The following CNTNAP5 variants were observed in gnomAD, a reference collection of about 807,000 sequenced individuals.
The protein encoded by CNTNAP5 is contactin associated protein family member 5.
In CNTNAP5, 72 loss-of-function variants were observed where a neutral mutation model predicts 150.2. The observed-to-expected ratio is 0.48, with a 90% CI of 0.40 to 0.58. The LOEUF (loss-of-function observed/expected upper bound fraction) is 0.58. CNTNAP5 is among the 20% of genes least tolerant of loss of function. The pLI is 0.00. For synonymous variants in CNTNAP5, 672 were observed against 619.8 expected (o/e 1.08, Z -1.25); for missense variants, 1,636 against 1,626.2 (o/e 1.01, Z -0.10).
intron 1 of CNTNAP5, among the ~76,000 whole-genome samples, chr2:124,130,390 G>T (rs796976175): frequency 1.3e-5 from 2 of 151,954 alleles, no homozygotes; most frequent in African/African-American, 4.8e-5. Flanking sequence ...CACTGTGCTT[G>T]TTCAGTCTTT....
At chr2:124,873,857 T>C (rs1182354952) in intron 21 of CNTNAP5, among the ~76,000 whole-genome samples, 1 of 152,082 alleles carries the variant, frequency 6.6e-6, no homozygotes, top group East Asian at 1.9e-4. Flanking sequence ...AAATCTAGTG[T>C]CTCAGTTTTC....
intron 13 of CNTNAP5, among the ~76,000 whole-genome samples, chr2:124,712,519 G>A (rs543459483): frequency 5.3e-5 from 8 of 152,288 alleles, no homozygotes; most frequent in Admixed American, 3.9e-4. Context: ...ATGTGGAGAA[G>A]GAGCTGCTGC....
intron 12 of CNTNAP5, among the ~76,000 whole-genome samples, chr2:124,614,426 G>A (rs554091079): frequency 9.7e-4 from 148 of 152,258 alleles, no homozygotes; most frequent in Non-Finnish European, 1.6e-3. Flanking sequence ...CTATTCCATA[G>A]GCAGAGCAGC....
chr2:124,515,749 A>G (rs1694699163), intron 8 of CNTNAP5, among the ~76,000 whole-genome samples: 1 of 152,222 alleles, frequency 6.6e-6, no homozygotes, highest in African/African-American at 2.4e-5. Context: ...GCCCCAATTC[A>G]CTAAGTATAT....
chr2:124,391,398 G>A (rs4848932), intron 3 of CNTNAP5, among the ~76,000 whole-genome samples: 2,458 of 152,224 alleles, frequency 0.016, 30 homozygotes, highest in Non-Finnish European at 0.022. Flanking sequence ...ACATGATAAA[G>A]TCGTCTTTGT....
intron 13 of CNTNAP5, among the ~76,000 whole-genome samples, chr2:124,719,758 CT>C (rs1680014991): frequency 6.6e-6 from 1 of 152,048 alleles, no homozygotes; most frequent in Non-Finnish European, 1.5e-5. Flanking sequence ...TAAGAAACAT[CT>C]TTATAAGAGG....
At chr2:124,221,343 G>A (rs559595688) in intron 1 of CNTNAP5, among the ~76,000 whole-genome samples, 1 of 152,202 alleles carries the variant, frequency 6.6e-6, no homozygotes, top group African/African-American at 2.4e-5. Flanking sequence ...GAATAATCTT[G>A]ATGGCAATAA....
chr2:124,832,919 C>CTTTTTTT (rs539240335), intron 19 of CNTNAP5, among the ~76,000 whole-genome samples: 1 of 143,204 alleles, frequency 7.0e-6, no homozygotes. Flanking sequence ...TTTTCTTTTC[C>CTTTTTTT]TTTTTTTTTT....
intron 5 of CNTNAP5, among the ~76,000 whole-genome samples, chr2:124,437,867 T>C (rs893096653): frequency 6.6e-6 from 1 of 152,122 alleles, no homozygotes; most frequent in Non-Finnish European, 1.5e-5. Context: ...GAGTTTTGGT[T>C]TTTCCCTCTC....
At position 124,890,715 on chromosome 2, in the gene CNTNAP5, G is replaced by A. The variant is rs144801349; in HGVS notation, c.3437-12167G>A. ...GCATATAAGGCAGAAACCCCATTTC[G>A]TAGAGCTTCTAATTTTATATAGACA... On this transcript the variant is annotated intron_variant, in intron 21 of 23. Transcript: ENST00000682447. Among the ~76,000 whole-genome samples the A allele has an allele frequency of 1.9e-3, 295 of 152,206 alleles. 2 individuals are homozygous for A. The highest frequency in any genetic ancestry group is 6.7e-3 in the African/African-American group (279 of 41,554).
intron 12 of CNTNAP5, among the ~76,000 whole-genome samples, chr2:124,610,266 G>A (rs1176204701): frequency 1.3e-5 from 2 of 152,198 alleles, no homozygotes; most frequent in Non-Finnish European, 2.9e-5. Flanking sequence ...CTCCAAATCA[G>A]TGGGAAGCCC....
At chr2:124,180,850 T>C (rs1573816181) in intron 1 of CNTNAP5, among the ~76,000 whole-genome samples, 1 of 147,236 alleles carries the variant, frequency 6.8e-6, no homozygotes, top group Non-Finnish European at 1.5e-5. Context: ...GCTCATTTCC[T>C]CTTATTGTTC....
chr2:124,361,664 G>A (rs59212497), intron 3 of CNTNAP5, among the ~76,000 whole-genome samples: 19,748 of 127,616 alleles, frequency 0.15, 1,792 homozygotes, highest in Middle Eastern at 0.23. Context: ...CAGTCTGCCG[G>A]TTCTCAGATC....
chr2:124,907,175 C>A (rs1678555183), intron 22 of CNTNAP5, among the ~76,000 whole-genome samples: 1 of 152,000 alleles, frequency 6.6e-6, no homozygotes, highest in Non-Finnish European at 1.5e-5. Flanking sequence ...CTGGTCATGG[C>A]AATGCTTAGG....
intron 1 of CNTNAP5, among the ~76,000 whole-genome samples, chr2:124,102,750 C>T (rs1297387146): frequency 6.6e-6 from 1 of 152,124 alleles, no homozygotes; most frequent in Non-Finnish European, 1.5e-5. Flanking sequence ...GCCTGAGCTT[C>T]GGTCTATATC....
chr2:124,275,875 C>T (rs1687870964), intron 3 of CNTNAP5, among the ~76,000 whole-genome samples: 1 of 152,172 alleles, frequency 6.6e-6, no homozygotes, highest in Admixed American at 6.6e-5. Context: ...ATGAGAACAA[C>T]AGACTTGTAC....
Position 124,747,343 on chromosome 2 carries a change from A to G in CNTNAP5, c.2192A>G (p.Asp731Gly), listed in dbSNP as rs1215434069. 6.2e-7 allele frequency: 1 copy of G among 1,613,836 alleles called. No individual in the cohort carries two copies. Among genetic ancestry groups the G allele is most frequent in the East Asian group, 2.2e-5 (1 of 44,830 alleles). Reference protein sequence around the residue: ...CECGLDESCLDIQHFCNCDAD... With the variant: ...CECGLDESCLGIQHFCNCDAD... ...TGTGGCCTAGACGAGAGCTGCCTGG[A>G]CATTCAGCACTTTTGCAATTGCGAC... The change falls in exon 14 of 24, where the codon GAC becomes GGC. Residue 731 changes from aspartate to glycine, a missense_variant. Asp to Gly is a moderately conservative substitution (Grantham distance 94). Transcript: ENST00000682447.
In CNTNAP5 at chr2:124,358,288, C is replaced by A. The variant is rs866686207; in HGVS notation, c.382-59155C>A. On this transcript the variant is annotated intron_variant, in intron 3 of 23. Coordinates refer to ENST00000682447, the MANE Select transcript of CNTNAP5 (RefSeq NM_001367498.1). Reference sequence around the variant, plus strand: ...ACTTCCTCTTTTCCTAATTGAATACCCTTTATTTCCTTCTCCTGCCTAATT... The same window carrying A: ...ACTTCCTCTTTTCCTAATTGAATACACTTTATTTCCTTCTCCTGCCTAATT... 1.1e-3 allele frequency among the ~76,000 whole-genome samples: 164 copies of A among 151,952 alleles called. 1 individual carries two copies. The highest frequency in any genetic ancestry group is 8.7e-3 in the South Asian group (42 of 4,804).
At chr2:124,198,921 C>T (rs1319062901) in intron 1 of CNTNAP5, among the ~76,000 whole-genome samples, 3 of 150,232 alleles carry the variant, frequency 2.0e-5, no homozygotes, top group Admixed American at 1.3e-4. Flanking sequence ...TGGAAAAAAC[C>T]TTGCAGGACC....
Sources: allele counts gnomAD v4.1 joint callset (sites outside exome capture counted in the v4.1 genomes callset), GRCh38; gene constraint gnomAD v4.1.1; transcripts MANE v1.5; gene names NCBI Gene and HGNC (gene_info 2026-07-23, HGNC 2026-07-21).